The following MBNL1 variants were observed in gnomAD, a reference collection of about 807,000 sequenced individuals.
The protein encoded by MBNL1 is muscleblind-like protein 1.
MBNL1 carries 8 observed loss-of-function variants against 42.2 expected under a neutral mutation model. That is an observed-to-expected ratio of 0.19 (90% CI 0.11 to 0.34). MBNL1 has a LOEUF of 0.34. Ranked by LOEUF, MBNL1 falls within the 10% of genes least tolerant of loss-of-function variation. MBNL1 has a pLI of 1.00. For synonymous variants in MBNL1, 169 were observed against 173.9 expected, an observed-to-expected ratio of 0.97 and a Z score of 0.22; for missense variants, 309 against 495.3, an observed-to-expected ratio of 0.62 and a Z score of 3.57.
chr3:152,447,159 A>AT, intron 5 of MBNL1, among the ~76,000 whole-genome samples: 1 of 152,252 alleles, frequency 6.6e-6, no homozygotes, highest in East Asian at 1.9e-4. Context: ...GCTCTGGGAC[A>AT]TTTGCATGTC....
chr3:152,446,558 C>T (rs1052064660), intron 5 of MBNL1: 7 of 614,274 alleles, frequency 1.1e-5, no homozygotes, highest in African/African-American at 5.5e-5. Flanking sequence ...TATGGCATTC[C>T]GATGATTTGT....
At chr3:152,454,593 A>G (rs1000273090) in intron 6 of MBNL1, among the ~76,000 whole-genome samples, 1 of 152,240 alleles carries the variant, frequency 6.6e-6, no homozygotes, top group African/African-American at 2.4e-5. Flanking sequence ...AGGACTATCT[A>G]TATATGCAAC....
At chr3:152,422,718 G>A (rs1380569375) in intron 3 of MBNL1, among the ~76,000 whole-genome samples, 3 of 152,052 alleles carry the variant, frequency 2.0e-5, no homozygotes, top group Non-Finnish European at 4.4e-5. Context: ...CTCCTCAAAA[G>A]GTGCAAAAGA....
chr3:152,414,587 A>G (rs1579937266), intron 2 of MBNL1, among the ~76,000 whole-genome samples: 2 of 152,228 alleles, frequency 1.3e-5, no homozygotes, highest in African/African-American at 4.8e-5. Context: ...AAATTTAACC[A>G]GGAAGATATT....
chr3:152,287,732 C>T (rs1370453108), intron 1 of MBNL1, among the ~76,000 whole-genome samples: 3 of 152,132 alleles, frequency 2.0e-5, no homozygotes, highest in African/African-American at 4.8e-5. Flanking sequence ...TAGCTAGCTA[C>T]GATTGCATTC....
Position 152,341,248 on chromosome 3 carries a change from CATT to C in MBNL1, c.174+40885_174+40887del, listed in dbSNP as rs1477232597. 5.3e-5 allele frequency among the ~76,000 whole-genome samples: 8 copies of C among 152,164 alleles called. No individual in the cohort carries two copies. The East Asian group carries it at 1.5e-3, about 29-fold the overall frequency. On this transcript the variant is annotated intron_variant, in intron 2 of 9. Transcript: ENST00000324210. ...GGCACAGTCTCAAGCTAGTGGTTAG[CATT>C]ATTTGCAAGTTTGTCTATAGAGTGC...
chr3:152,363,519 A>C (rs569604643), intron 2 of MBNL1, among the ~76,000 whole-genome samples: 1 of 152,330 alleles, frequency 6.6e-6, no homozygotes, highest in African/African-American at 2.4e-5. Context: ...AGATAAATGA[A>C]TATTCCAAAA....
At chr3:152,280,051 A>G (rs1275386213) in intron 1 of MBNL1, among the ~76,000 whole-genome samples, 1 of 152,174 alleles carries the variant, frequency 6.6e-6, no homozygotes, top group East Asian at 1.9e-4. Flanking sequence ...ATTTATTTAT[A>G]TAAAATGAAA....
intron 1 of MBNL1, among the ~76,000 whole-genome samples, chr3:152,289,528 CAGTGTT>C (rs2054598178): frequency 6.6e-6 from 1 of 151,840 alleles, no homozygotes. Flanking sequence ...GGTCTTGAGT[CAGTGTT>C]AGTCAGTGAA....
intron 1 of MBNL1, among the ~76,000 whole-genome samples, chr3:152,295,294 G>A (rs1250001436): frequency 2.0e-5 from 3 of 152,072 alleles, no homozygotes; most frequent in Non-Finnish European, 4.4e-5. Context: ...TTGAGGGATT[G>A]TCTGTAACCT....
intron 2 of MBNL1, among the ~76,000 whole-genome samples, chr3:152,309,066 A>G (rs903844152): frequency 1.3e-5 from 2 of 152,184 alleles, no homozygotes; most frequent in Non-Finnish European, 2.9e-5. Flanking sequence ...AAGTTTCTCG[A>G]CAGCAATTGC....
chr3:152,394,374 G>A (rs1272548500), intron 2 of MBNL1, among the ~76,000 whole-genome samples: 1 of 152,174 alleles, frequency 6.6e-6, no homozygotes, highest in Non-Finnish European at 1.5e-5. Context: ...TTGAATTTCA[G>A]TTTGACACTG....
At position 152,447,632 on chromosome 3, in the gene MBNL1, G is replaced by A. The variant is rs1289839485; in HGVS notation, c.820G>A (p.Ala274Thr). 2 of 1,612,628 alleles carry A rather than the reference G, an allele frequency of 1.2e-6. No individual in the cohort carries two copies. Among genetic ancestry groups the A allele is most frequent in the African/African-American group, 2.7e-5 (2 of 74,914 alleles). The part of the protein sequence containing the change: ...ATAAAMGIPQ[A>T]VLPPLPKRPA... ...ATTCACTAAACAGGGAATTCCTCAAGCTGTACTTCCCCCATTACCAAAGAG... is the reference window on the plus strand; with the variant it reads ...ATTCACTAAACAGGGAATTCCTCAAACTGTACTTCCCCCATTACCAAAGAG... The change falls in exon 6 of 10, where the codon GCT becomes ACT. Residue 274 changes from alanine (A) to threonine (T), a missense_variant. Transcript: ENST00000324210.
At chr3:152,461,265 C>T (rs1745293122) in intron 9 of MBNL1, among the ~76,000 whole-genome samples, 1 of 152,148 alleles carries the variant, frequency 6.6e-6, no homozygotes, top group Non-Finnish European at 1.5e-5. Context: ...CAAAGATATG[C>T]TGCAATCGTG....
At chr3:152,452,097 ATAAG>A (rs1560658651) in intron 6 of MBNL1, among the ~76,000 whole-genome samples, 1 of 152,270 alleles carries the variant, frequency 6.6e-6, no homozygotes, top group Admixed American at 6.5e-5. Flanking sequence ...AAAGATAAAT[ATAAG>A]TATTAGGTTA....
intron 3 of MBNL1, among the ~76,000 whole-genome samples, chr3:152,415,332 A>AT (rs1382915126): frequency 6.6e-6 from 1 of 151,952 alleles, no homozygotes; most frequent in African/African-American, 2.4e-5. Context: ...ACATTATAGC[A>AT]TTTTTTTTCC....
chr3:152,344,580 A>G (rs2093910635), intron 2 of MBNL1, among the ~76,000 whole-genome samples: 1 of 152,168 alleles, frequency 6.6e-6, no homozygotes, highest in Non-Finnish European at 1.5e-5. Flanking sequence ...CTTAATTTGA[A>G]AAAGGCCATG....
chr3:152,434,017 C>T (rs1039100436), intron 4 of MBNL1, among the ~76,000 whole-genome samples: 27 of 152,128 alleles, frequency 1.8e-4, no homozygotes, highest in African/African-American at 5.8e-4. Context: ...ATGACCTTTT[C>T]CTCTTTTCCC....
At chr3:152,359,035 C>T (rs988343455) in intron 2 of MBNL1, among the ~76,000 whole-genome samples, 2 of 152,174 alleles carry the variant, frequency 1.3e-5, no homozygotes, top group Admixed American at 1.3e-4. Context: ...AGATTTACTG[C>T]TTATGAACAA....
Sources: gnomAD v4.1 joint callset for allele counts (sites outside exome capture counted in the v4.1 genomes callset) on GRCh38, gnomAD v4.1.1 for gene constraint, MANE v1.5 for transcripts, NCBI Gene and HGNC (gene_info 2026-07-23, HGNC 2026-07-21) for gene names.